ZNF177: variants seen among roughly 807,000 people sequenced by gnomAD.
The protein encoded by ZNF177 is zinc finger protein 177.
ZNF177 carries 17 observed loss-of-function variants against 19.4 expected under a neutral mutation model. The ratio of observed to expected loss-of-function variants is 0.87; its 90% confidence interval spans 0.60 to 1.31. The LOEUF is 1.31. ZNF177 is among the 40% of genes most tolerant of loss of function. The probability of loss-of-function intolerance (pLI) is 0.00; values close to 1 mark genes in which losing one functional copy is unlikely to be tolerated. For missense variants in ZNF177, 633 were observed against 561.8 expected (o/e 1.13, Z -1.28); for synonymous variants, 220 against 188.7 (o/e 1.17, Z -1.36).
intron 1 of ZNF177, among the ~76,000 whole-genome samples, chr19:9,364,344 GT>G (rs1380350844): frequency 2.0e-5 from 3 of 152,208 alleles, no homozygotes; most frequent in African/African-American, 7.2e-5. Context: ...GACTGATGAA[GT>G]TTGTGATATG....
Position 9,381,600 on chromosome 19 carries a change from C to T in ZNF177, c.1269C>T (p.Thr423=), listed in dbSNP as rs374337624. The T allele has an allele frequency of 8.1e-6, 13 of 1,613,928 alleles. No individual in the cohort carries two copies. In the African/African-American group the frequency reaches 1.2e-4, roughly 15 times the overall value. The change falls in exon 6 of 6, where the codon ACC becomes ACT. Residue 423 remains threonine, a synonymous_variant. Transcript: ENST00000589262. ...AGAGAACTCACACTGGTGAGAAAAC[C>T]TATGAGTGTAAAGAATGTGGGAAGG...
chr19:9,382,230 G>A, downstream of ZNF177: 1 of 403,984 alleles, frequency 2.5e-6, no homozygotes, highest in Non-Finnish European at 4.4e-6. Context: ...TTCCCTTACA[G>A]CTGTGAGCGG....
At chr19:9,374,484 T>C (rs191839964), upstream of ZNF177, among the ~76,000 whole-genome samples, 1 of 152,308 alleles carries the variant, frequency 6.6e-6, no homozygotes, top group Admixed American at 6.5e-5. Context: ...GTGTGACATT[T>C]GACAATATTG....
intron 2 of ZNF177, 58 bp downstream of exon 4, chr19:9,378,402 T>G: frequency 6.2e-7 from 1 of 1,608,234 alleles, no homozygotes; most frequent in African/African-American, 1.3e-5. Flanking sequence ...AAAGAACACA[T>G]CTCTTGCCCC....
exon 6 of ZNF177, chr19:9,381,858 G>C: frequency 6.6e-7 from 1 of 1,511,572 alleles, no homozygotes; most frequent in Non-Finnish European, 8.8e-7. Context: ...CCCTGTTATG[G>C]TCACCTGGAA....
intron 2 of ZNF177, among the ~76,000 whole-genome samples, chr19:9,366,148 A>G (rs1411900216): frequency 6.6e-6 from 1 of 151,844 alleles, no homozygotes; most frequent in Non-Finnish European, 1.5e-5. Context: ...ACACCCGGCT[A>G]ATTTTTGTAT....
At chr19:9,379,674 G>A (rs1448986133) in intron 4 of ZNF177, 55 bp downstream of exon 6, 1 of 1,579,344 alleles carries the variant, frequency 6.3e-7, no homozygotes, top group African/African-American at 1.3e-5. Flanking sequence ...TAGTACATTT[G>A]GGAATGTCAC....
chr19:9,364,542 A>G (rs2067951406), intron 1 of ZNF177, among the ~76,000 whole-genome samples: 2 of 152,134 alleles, frequency 1.3e-5, no homozygotes, highest in East Asian at 1.9e-4. Context: ...CTTCAGTCCT[A>G]TTTGCAAATT....
chr19:9,379,369 G>A (rs1296250583), intron 3 of ZNF177, among the ~76,000 whole-genome samples, 158 bp from the exon 6 acceptor site: 1 of 152,248 alleles, frequency 6.6e-6, no homozygotes, highest in African/African-American at 2.4e-5. Context: ...TTTGGTTCTT[G>A]TGAAAGAAAG....
exon 6 of ZNF177, chr19:9,381,668 A>G: frequency 6.2e-7 from 1 of 1,614,234 alleles, no homozygotes; most frequent in Non-Finnish European, 8.5e-7. Context: ...GTGAGAACTC[A>G]CACTGGAGAG....
chr19:9,381,034 A>C (rs972198773), exon 6 of ZNF177: 2 of 1,599,868 alleles, frequency 1.3e-6, no homozygotes, highest in East Asian at 4.5e-5. Flanking sequence ...TGATGAATGC[A>C]GTGACTATGG....
At position 9,379,118 on chromosome 19, in the gene ZNF177, T is replaced by TCC. The variant is rs2068152587; in HGVS notation, c.160+30_160+31insCC. ...GGCTGGCCTCATTTCTTCATTTGTT[T>TCC]ATGTAGCAAATAGTTCTTAAGCACA... On this transcript the variant is annotated intron_variant, in intron 3 of 5. Coordinates refer to ENST00000589262, the Ensembl canonical transcript of ZNF177. 1.9e-6 allele frequency: 3 copies of TCC among 1,577,394 alleles called. No individual in the cohort carries two copies. In the African/African-American group the frequency reaches 4.1e-5, roughly 21 times the overall value.
chr19:9,369,777 T>C (rs183822896), intron 2 of ZNF177, among the ~76,000 whole-genome samples: 62 of 152,248 alleles, frequency 4.1e-4, no homozygotes, highest in Middle Eastern at 3.4e-3. Flanking sequence ...CTTTGAATTG[T>C]TACCCTAGCT....
At chr19:9,380,472 C>G (rs1568384983) in intron 5 of ZNF177, 196 bp from the exon 8 acceptor site, 3 of 1,094,344 alleles carry the variant, frequency 2.7e-6, no homozygotes, top group Non-Finnish European at 2.6e-6. Context: ...GGAATAGAGC[C>G]TTGGACAGAG....
intron 3 of ZNF177, 135 bp downstream of exon 5, chr19:9,379,223 C>A: frequency 7.3e-7 from 1 of 1,369,800 alleles, no homozygotes; most frequent in Non-Finnish European, 9.7e-7. Flanking sequence ...CTTGAGGGGG[C>A]AGTCCAGTGG....
intron 2 of ZNF177, among the ~76,000 whole-genome samples, chr19:9,366,579 T>C (rs1404476113): frequency 6.6e-6 from 1 of 152,226 alleles, no homozygotes; most frequent in Non-Finnish European, 1.5e-5. Context: ...TGTCAAATGA[T>C]AGTCCATTGT....
chr19:9,381,297 C>G, exon 6 of ZNF177: 4 of 1,613,956 alleles, frequency 2.5e-6, no homozygotes, highest in Non-Finnish European at 3.4e-6. Context: ...AATCCTTTAG[C>G]CAGAGCTCTC....
At chr19:9,379,211 C>T in intron 3 of ZNF177, 123 bp downstream of exon 5, 5 of 1,417,158 alleles carry the variant, frequency 3.5e-6, no homozygotes, top group Non-Finnish European at 4.7e-6. Context: ...ATGGTCCCTG[C>T]CCTTGAGGGG....
chr19:9,365,038 G>C (rs1360008484), intron 2 of ZNF177, 90 bp downstream of exon 2: 1 of 152,156 alleles, frequency 6.6e-6, no homozygotes, highest in Non-Finnish European at 1.5e-5. Context: ...GAGCTGGAAG[G>C]CTCCAATTGT....
Sources: gnomAD v4.1 joint callset for allele counts (sites outside exome capture counted in the v4.1 genomes callset) on GRCh38, gnomAD v4.1.1 for gene constraint, MANE v1.5 for transcripts, NCBI Gene and HGNC (gene_info 2026-07-23, HGNC 2026-07-21) for gene names.